Variants in TMEM196 observed in about 807,000 individuals in gnomAD.
TMEM196 encodes the protein transmembrane protein 196.
Under a neutral mutation model 20.0 loss-of-function variants are expected in TMEM196, and 17 were observed. The ratio of observed to expected loss-of-function variants is 0.85; its 90% CI spans 0.58 to 1.27. The LOEUF (loss-of-function observed/expected upper bound fraction) is 1.27, where lower values mean the gene tolerates loss of function less well. TMEM196 is among the 50% of genes most tolerant of loss of function. The probability of loss-of-function intolerance (pLI) is 0.00; values close to 1 mark genes in which losing one functional copy is unlikely to be tolerated. For missense variants in TMEM196, 267 were observed against 223.0 expected, an observed-to-expected ratio of 1.20 and a Z score of -1.26; for synonymous variants, 113 against 88.9, an observed-to-expected ratio of 1.27 and a Z score of -1.52.
rs1436229638 is a variant in TMEM196 at position 19,726,138 on chromosome 7, TATC to T, written c.205-373_205-371del. ...CTACCATGCTAGGAACTTTAACAAA[TATC>T]ATCTCAATTGACACTCCCAGCAAGC... On this transcript the variant is annotated intron_variant, in intron 2 of 4. Coordinates refer to ENST00000405844, the MANE Select transcript of TMEM196 (RefSeq NM_001363562.2). Among the ~76,000 whole-genome samples the T allele has an allele frequency of 3.9e-5, 6 of 152,286 alleles. No homozygotes were observed. The South Asian group carries it at 8.3e-4, about 21-fold the overall frequency.
At chr7:19,729,639 A>T (rs1418542073) in intron 1 of TMEM196, among the ~76,000 whole-genome samples, 2 of 152,310 alleles carry the variant, frequency 1.3e-5, no homozygotes, top group Non-Finnish European at 2.9e-5. Context: ...ATTTTTTGCT[A>T]GATTGTTAGA....
At chr7:19,752,361 TCTC>T (rs1285900440) in intron 1 of TMEM196, among the ~76,000 whole-genome samples, 2 of 152,152 alleles carry the variant, frequency 1.3e-5, no homozygotes, top group Non-Finnish European at 2.9e-5. Flanking sequence ...TTGATTCCCC[TCTC>T]CTCCTACGTC....
chr7:19,766,470 T>C (rs1403238220), intron 1 of TMEM196, among the ~76,000 whole-genome samples: 1 of 151,760 alleles, frequency 6.6e-6, no homozygotes, highest in Non-Finnish European at 1.5e-5. Context: ...CCTAGTTATT[T>C]AGGTACAGGA....
chr7:19,752,678 G>A (rs894699967), intron 1 of TMEM196, among the ~76,000 whole-genome samples: 5 of 151,518 alleles, frequency 3.3e-5, no homozygotes, highest in African/African-American at 9.7e-5. Flanking sequence ...GCAGTGGCCC[G>A]ATCTTGGCTT....
Position 19,721,741 on chromosome 7 carries a change from T to G in TMEM196, c.*387A>C, listed in dbSNP as rs1783819837. 1 of 186,852 alleles carries G rather than the reference T, an allele frequency of 5.4e-6. No homozygotes were observed. Among genetic ancestry groups the G allele is most frequent in the East Asian group, 1.5e-4 (1 of 6,550 alleles). The allele number at this position is 186,852 out of a possible 1,614,324, so 11.6% of individuals were successfully genotyped here. A position where few individuals can be genotyped will look rare whatever the true frequency, so the allele number is the denominator to read the frequency against. On this transcript the variant is annotated 3_prime_UTR_variant, in exon 5 of 5. Coordinates refer to ENST00000405844, the MANE Select transcript of TMEM196 (RefSeq NM_001363562.2). ...TTTTCAATTACTCATATGAAATATGTCATTACAAATATAATAATCATGCTA... is the reference window on the plus strand; with the variant it reads ...TTTTCAATTACTCATATGAAATATGGCATTACAAATATAATAATCATGCTA...
intron 1 of TMEM196, among the ~76,000 whole-genome samples, chr7:19,735,586 T>C (rs1784369876): frequency 6.6e-6 from 1 of 152,082 alleles, no homozygotes; most frequent in African/African-American, 2.4e-5. Flanking sequence ...AAAAAGGCAA[T>C]GGTAGAATTT....
intron 1 of TMEM196, among the ~76,000 whole-genome samples, chr7:19,736,353 C>T (rs72591452): frequency 0.037 from 1,393 of 37,564 alleles, 33 homozygotes; most frequent in African/African-American, 0.068. Context: ...GTGGTTCCTA[C>T]TATATATATA....
chr7:19,758,586 T>C (rs1785308346), intron 1 of TMEM196, among the ~76,000 whole-genome samples: 1 of 152,234 alleles, frequency 6.6e-6, no homozygotes, highest in African/African-American at 2.4e-5. Context: ...CTCTGGACTT[T>C]AGTTTACTTA....
chr7:19,750,188 CA>C (rs1195225266), intron 1 of TMEM196, among the ~76,000 whole-genome samples: 4 of 152,142 alleles, frequency 2.6e-5, no homozygotes, highest in Non-Finnish European at 5.9e-5. Flanking sequence ...TAAGAGTCAG[CA>C]AAACTTCCCA....
chr7:19,749,842 G>T (rs1380508613), intron 1 of TMEM196, among the ~76,000 whole-genome samples: 1 of 152,164 alleles, frequency 6.6e-6, no homozygotes, highest in Non-Finnish European at 1.5e-5. Context: ...AAATTAGAGT[G>T]TCAGTGAGTC....
At position 19,719,631 on chromosome 7, in the gene TMEM196, T is replaced by C. The variant is rs1291410215; in HGVS notation, c.*2497A>G. 6.6e-6 allele frequency: 1 copy of C among 152,106 alleles called. No individual in the cohort carries two copies. The allele number at this position is 152,106 out of a possible 1,614,324, so 9.4% of individuals were successfully genotyped here. On this transcript the variant is annotated 3_prime_UTR_variant, in exon 5 of 5. Coordinates refer to ENST00000405844, the MANE Select transcript of TMEM196 (RefSeq NM_001363562.2). The stretch of plus-strand genomic sequence containing the variant: ...ACTATAAGGTAGTCACTTAAAACAT[T>C]CCAGCATGTGGTTCAATGTATTGTC...
chr7:19,760,696 T>C (rs1481250864), intron 1 of TMEM196, among the ~76,000 whole-genome samples: 2 of 152,196 alleles, frequency 1.3e-5, no homozygotes, highest in African/African-American at 4.8e-5. Context: ...TCTTTAATTT[T>C]AATTTGTGTA....
chr7:19,744,181 T>G, intron 1 of TMEM196, among the ~76,000 whole-genome samples: 1 of 152,216 alleles, frequency 6.6e-6, no homozygotes, highest in East Asian at 1.9e-4. Context: ...GTTGTTAATG[T>G]AACAGCTTTC....
At chr7:19,765,046 A>G (rs962126824) in intron 1 of TMEM196, among the ~76,000 whole-genome samples, 1 of 152,218 alleles carries the variant, frequency 6.6e-6, no homozygotes, top group African/African-American at 2.4e-5. Context: ...GGATTAAATT[A>G]CTTAAATAAG....
At chr7:19,737,040 G>A (rs1033582366) in intron 1 of TMEM196, among the ~76,000 whole-genome samples, 3 of 151,816 alleles carry the variant, frequency 2.0e-5, no homozygotes, top group African/African-American at 7.3e-5. Context: ...ATAGGCAAAA[G>A]AAAGGCACCT....
At chr7:19,749,959 C>G (rs80113197) in intron 1 of TMEM196, among the ~76,000 whole-genome samples, 55 of 152,336 alleles carry the variant, frequency 3.6e-4, no homozygotes, top group African/African-American at 1.3e-3. Context: ...CTTCCATTAA[C>G]AAAGGCAGCC....
At chr7:19,747,087 C>T (rs1313782612) in intron 1 of TMEM196, among the ~76,000 whole-genome samples, 6 of 151,416 alleles carry the variant, frequency 4.0e-5, no homozygotes, top group African/African-American at 1.5e-4. Flanking sequence ...AACCCCGTCT[C>T]TACTAAAAAT....
intron 1 of TMEM196, among the ~76,000 whole-genome samples, chr7:19,753,168 T>C (rs1049876215): frequency 2.6e-5 from 4 of 152,188 alleles, no homozygotes; most frequent in Non-Finnish European, 4.4e-5. Context: ...AATCCCATCT[T>C]TTTCTCCTAA....
chr7:19,755,556 T>A (rs1785177415), intron 1 of TMEM196, among the ~76,000 whole-genome samples: 1 of 152,206 alleles, frequency 6.6e-6, no homozygotes, highest in Non-Finnish European at 1.5e-5. Context: ...ATTGAAAGTA[T>A]TGTGTCATGG....
Sources: allele counts gnomAD v4.1 joint callset (sites outside exome capture counted in the v4.1 genomes callset), GRCh38; gene constraint gnomAD v4.1.1; transcripts MANE v1.5; gene names NCBI Gene and HGNC (gene_info 2026-07-23, HGNC 2026-07-21).